GLI2: variants seen among roughly 807,000 people sequenced by gnomAD.
GLI2 encodes transcription activator GLI2.
Under a neutral mutation model 78.9 loss-of-function variants are expected in GLI2, and 22 were observed. That is an observed-to-expected ratio of 0.28 (90% CI 0.20 to 0.40). The LOEUF is 0.40. Ranked by LOEUF, GLI2 falls within the 10% of genes least tolerant of loss-of-function variation. GLI2 has a pLI of 1.00. For synonymous variants in GLI2, 974 were observed against 963.7 expected (o/e 1.01, Z -0.20); for missense variants, 2,097 against 2,213.2 (o/e 0.95, Z 1.05).
intron 2 of GLI2, among the ~76,000 whole-genome samples, chr2:120,904,712 A>G (rs62150751): frequency 6.6e-6 from 1 of 152,184 alleles, no homozygotes. Flanking sequence ...GAGCCACCCC[A>G]GAGAGTCTGC....
chr2:120,948,649 C>T (rs776676986), intron 3 of GLI2, among the ~76,000 whole-genome samples: 11 of 152,202 alleles, frequency 7.2e-5, no homozygotes, highest in Non-Finnish European at 1.5e-4. Flanking sequence ...TCACCTTGGA[C>T]AGACTGGGCC....
intron 2 of GLI2, among the ~76,000 whole-genome samples, chr2:120,826,793 C>T (rs767871610): frequency 6.6e-6 from 1 of 152,216 alleles, no homozygotes; most frequent in Admixed American, 6.5e-5. Flanking sequence ...AGTTCAGTCC[C>T]TCTGTACCTG....
At chr2:120,796,383 C>T (rs1201128939) in intron 1 of GLI2, among the ~76,000 whole-genome samples, 1 of 152,238 alleles carries the variant, frequency 6.6e-6, no homozygotes, top group African/African-American at 2.4e-5. Flanking sequence ...CTGCTCTCCG[C>T]ACACAGCAAT....
intron 2 of GLI2, among the ~76,000 whole-genome samples, chr2:120,863,550 A>G (rs562454332): frequency 6.6e-6 from 1 of 152,338 alleles, no homozygotes; most frequent in Non-Finnish European, 1.5e-5. Flanking sequence ...AATTACTAGT[A>G]TTGTATTTTT....
intron 5 of GLI2, among the ~76,000 whole-genome samples, chr2:120,963,885 C>T (rs779933315): frequency 2.6e-5 from 4 of 152,214 alleles, no homozygotes; most frequent in Non-Finnish European, 5.9e-5. Flanking sequence ...GGAGTCCTAG[C>T]GCATGCGATG....
intron 2 of GLI2, among the ~76,000 whole-genome samples, chr2:120,898,487 C>T (rs902892990): frequency 2.0e-5 from 3 of 152,136 alleles, no homozygotes; most frequent in Non-Finnish European, 4.4e-5. Flanking sequence ...TTCTTTCCAG[C>T]TCGGAGTGCA....
At chr2:120,907,441 G>A (rs1000162758) in intron 2 of GLI2, among the ~76,000 whole-genome samples, 1 of 152,288 alleles carries the variant, frequency 6.6e-6, no homozygotes, top group South Asian at 2.1e-4. Flanking sequence ...TGGGGCTCTG[G>A]GTGGCAATGG....
intron 2 of GLI2, among the ~76,000 whole-genome samples, chr2:120,886,173 T>A (rs1677390138): frequency 1.4e-5 from 1 of 71,118 alleles, no homozygotes; most frequent in African/African-American, 1.2e-4. Flanking sequence ...TGTGTGTGTG[T>A]GTGTGTGTGT....
In GLI2 at chr2:120,989,169, G is replaced by A. The variant is rs759572783; in HGVS notation, c.3204G>A (p.Val1068=). 5.0e-6 allele frequency: 8 copies of A among 1,613,110 alleles called. No individual in the cohort carries two copies. The highest frequency in any genetic ancestry group is 1.3e-5 in the African/African-American group (1 of 74,940). The part of the protein sequence containing the change: ...SGALDEGTGQ[V]YPTESTGFSD... The stretch of plus-strand genomic sequence containing the variant: ...CTCTGGACGAGGGCACCGGGCAGGT[G>A]TATCCCACGGAAAGCACTGGCTTCT... The change falls in exon 14 of 14, where the codon GTG becomes GTA. Residue 1068 remains valine (V), a synonymous_variant. Coordinates refer to ENST00000361492, the MANE Select transcript of GLI2 (RefSeq NM_001374353.1).
intron 2 of GLI2, among the ~76,000 whole-genome samples, chr2:120,862,250 C>T (rs1687935078): frequency 6.6e-6 from 1 of 152,182 alleles, no homozygotes; most frequent in Admixed American, 6.5e-5. Flanking sequence ...GGGGTGAGCC[C>T]TGGCCCAAAG....
At chr2:120,765,512 C>T (rs1425617245) in intron 1 of GLI2, among the ~76,000 whole-genome samples, 1 of 152,236 alleles carries the variant, frequency 6.6e-6, no homozygotes, top group Non-Finnish European at 1.5e-5. Context: ...GGGAGAGGGC[C>T]AGCTGGCTTT....
rs540925998 is a variant in GLI2, at chr2:120,927,390, G to A, written c.178G>A (p.Ala60Thr). 6.2e-7 allele frequency: 1 copy of A among 1,613,920 alleles called. No homozygotes were observed. The highest frequency in any genetic ancestry group is 1.1e-5 in the South Asian group (1 of 91,074). The change falls in exon 3 of 14, where the codon GCG (alanine) becomes ACG (threonine). Residue 60 changes from alanine to threonine, a missense_variant. Coordinates refer to ENST00000361492, the MANE Select transcript of GLI2 (RefSeq NM_001374353.1). ...VPQHLLPPFH[A>T]PLPIDMRHQE... is the part of the protein sequence containing the mutation. ...GCAGCATCTCTTGCCACCATTCCAT[G>A]CGCCCCTACCGATTGACATGCGACA...
chr2:120,798,256 G>T (rs767416152), intron 2 of GLI2, among the ~76,000 whole-genome samples: 9 of 152,238 alleles, frequency 5.9e-5, no homozygotes, highest in African/African-American at 1.7e-4. Context: ...TTCTTCCGGC[G>T]GGCGCTTGGG....
chr2:120,773,925 C>G (rs1558789423), intron 1 of GLI2, among the ~76,000 whole-genome samples: 1 of 131,866 alleles, frequency 7.6e-6, no homozygotes, highest in South Asian at 3.0e-4. Context: ...TTCCTTCCTT[C>G]CTTCCTTCCC....
intron 1 of GLI2, among the ~76,000 whole-genome samples, chr2:120,755,323 G>A (rs774211710): frequency 1.3e-5 from 2 of 152,126 alleles, no homozygotes; most frequent in African/African-American, 4.8e-5. Flanking sequence ...ATATTATTGT[G>A]GTTTTAACTT....
At chr2:120,769,394 G>A (rs899443125) in intron 1 of GLI2, among the ~76,000 whole-genome samples, 1 of 152,154 alleles carries the variant, frequency 6.6e-6, no homozygotes, top group African/African-American at 2.4e-5. Flanking sequence ...CATGGGTGCC[G>A]GGGCCTGGGG....
chr2:120,832,093 G>C (rs1282626135), intron 2 of GLI2, among the ~76,000 whole-genome samples: 1 of 152,162 alleles, frequency 6.6e-6, no homozygotes, highest in Non-Finnish European at 1.5e-5. Context: ...GTGTGGATTG[G>C]GGCCCCAGTC....
chr2:120,951,230 A>G lies in GLI2; in HGVS notation c.255-13A>G, dbSNP rs754130740. ...TGTCCTCCTTCTTAGACGGCTGCCC[A>G]TTGTCTCTGCAGGCCCCCTGCCCTC... On this transcript the variant is annotated splice_polypyrimidine_tract_variant and intron_variant, in intron 3 of 13. Coordinates refer to ENST00000361492, the MANE Select transcript of GLI2 (RefSeq NM_001374353.1). The G allele has an allele frequency of 5.2e-6, 8 of 1,536,244 alleles. No homozygotes were observed. Among genetic ancestry groups the G allele is most frequent in the East Asian group, 2.2e-5 (1 of 44,542 alleles).
intron 2 of GLI2, among the ~76,000 whole-genome samples, chr2:120,903,269 T>C (rs548866014): frequency 2.6e-5 from 4 of 152,070 alleles, no homozygotes; most frequent in East Asian, 1.9e-4. Flanking sequence ...CTTAGAAGAA[T>C]TGCTTGAACC....
Sources: allele counts gnomAD v4.1 joint callset (sites outside exome capture counted in the v4.1 genomes callset), GRCh38; gene constraint gnomAD v4.1.1; transcripts MANE v1.5; gene names NCBI Gene and HGNC (gene_info 2026-07-23, HGNC 2026-07-21).